Variants in ARB2A observed in about 807,000 individuals in gnomAD.
ARB2A encodes the protein ARB2 cotranscriptional regulator A.
chr5:93,652,709 T>C, the ARB2A span, among the ~76,000 whole-genome samples: 1 of 152,190 alleles, frequency 6.6e-6, no homozygotes, highest in African/African-American at 2.4e-5. Flanking sequence ...TGATTTAAAG[T>C]TCTGATTTAA....
chr5:93,994,966 T>A, the ARB2A span, among the ~76,000 whole-genome samples: 42 of 152,070 alleles, frequency 2.8e-4, no homozygotes, highest in African/African-American at 9.4e-4. Context: ...AAAATATATG[T>A]AGATACTAGT....
chr5:93,921,736 T>TA, the ARB2A span, among the ~76,000 whole-genome samples: 14 of 152,214 alleles, frequency 9.2e-5, no homozygotes, highest in Non-Finnish European at 1.8e-4. Context: ...ATAAAGCTGC[T>TA]AATCGTTGAA....
chr5:93,783,356 T>C, the ARB2A span, among the ~76,000 whole-genome samples: 1 of 152,170 alleles, frequency 6.6e-6, no homozygotes, highest in Admixed American at 6.5e-5. Context: ...TTTTGTATGA[T>C]GAAAGTACTT....
the ARB2A span, chr5:93,861,112 T>C: frequency 6.6e-6 from 1 of 152,292 alleles, no homozygotes; most frequent in East Asian, 1.9e-4. Flanking sequence ...ACCAACATAT[T>C]CTTTTAAGTA....
chr5:94,026,382 G>A, the ARB2A span, among the ~76,000 whole-genome samples: 1 of 151,820 alleles, frequency 6.6e-6, no homozygotes, highest in Non-Finnish European at 1.5e-5. Context: ...GAAGAAGGAG[G>A]GCATGCTGAC....
At chr5:93,836,655 C>CT in the ARB2A span, among the ~76,000 whole-genome samples, 2 of 152,044 alleles carry the variant, frequency 1.3e-5, no homozygotes, top group African/African-American at 2.4e-5. Context: ...TAAATGTATG[C>CT]TTTTTTACAA....
the ARB2A span, among the ~76,000 whole-genome samples, chr5:94,051,184 T>C: frequency 6.6e-6 from 1 of 152,126 alleles, no homozygotes; most frequent in Non-Finnish European, 1.5e-5. Context: ...AAAGCATAAA[T>C]ATTAAGAAGT....
At chr5:94,105,951 C>G in the ARB2A span, among the ~76,000 whole-genome samples, 1 of 151,814 alleles carries the variant, frequency 6.6e-6, no homozygotes, top group Non-Finnish European at 1.5e-5. Context: ...TGAAACTGAA[C>G]CCTTTCCTTT....
At chr5:93,630,369 T>A in the ARB2A span, among the ~76,000 whole-genome samples, 2 of 152,156 alleles carry the variant, frequency 1.3e-5, no homozygotes, top group African/African-American at 4.8e-5. Flanking sequence ...ATTACCTGCA[T>A]AAGATACAAG....
the ARB2A span, among the ~76,000 whole-genome samples, chr5:93,718,786 A>C: frequency 5.3e-5 from 8 of 152,184 alleles, no homozygotes; most frequent in Non-Finnish European, 1.2e-4. Flanking sequence ...TTGGCTAAAG[A>C]GTGATTCAGA....
At chr5:94,060,498 A>G in the ARB2A span, among the ~76,000 whole-genome samples, 2 of 152,250 alleles carry the variant, frequency 1.3e-5, no homozygotes, top group Admixed American at 6.5e-5. Flanking sequence ...TCTTATGACT[A>G]TTAAAGAAAA....
the ARB2A span, among the ~76,000 whole-genome samples, chr5:93,823,488 A>C: frequency 3.3e-5 from 5 of 152,206 alleles, no homozygotes; most frequent in African/African-American, 1.2e-4. Context: ...AAGTCAGTTA[A>C]AGACTATCAA....
At chr5:93,897,373 A>G in the ARB2A span, among the ~76,000 whole-genome samples, 2 of 152,002 alleles carry the variant, frequency 1.3e-5, no homozygotes, top group Admixed American at 1.3e-4. Context: ...GTCCTCTTAT[A>G]TAAGCAAAGA....
chr5:94,079,550 C>A, the ARB2A span, among the ~76,000 whole-genome samples: 1 of 152,164 alleles, frequency 6.6e-6, no homozygotes, highest in Non-Finnish European at 1.5e-5. Context: ...CATGTTGATA[C>A]AGCCAAACAA....
At chr5:94,070,113 A>T in the ARB2A span, among the ~76,000 whole-genome samples, 134 of 21,304 alleles carry the variant, frequency 6.3e-3, no homozygotes, top group African/African-American at 0.013. Context: ...ACCATAAGAA[A>T]TGTGATATAT....
the ARB2A span, among the ~76,000 whole-genome samples, chr5:93,891,788 G>T: frequency 6.6e-6 from 1 of 152,128 alleles, no homozygotes; most frequent in South Asian, 2.1e-4. Context: ...GATTTTAACC[G>T]CCAGAGCATT....
the ARB2A span, among the ~76,000 whole-genome samples, chr5:93,772,678 T>C: frequency 6.6e-6 from 1 of 152,172 alleles, no homozygotes; most frequent in Non-Finnish European, 1.5e-5. Context: ...TGCAGTCATC[T>C]CAAAGAGCTC....
the ARB2A span, chr5:93,733,528 TA>T: frequency 4.6e-5 from 7 of 152,136 alleles, no homozygotes; most frequent in African/African-American, 1.4e-4. Context: ...TAAAAATTCT[TA>T]AAAGTTGAAA....
At chr5:93,852,338 T>C in the ARB2A span, among the ~76,000 whole-genome samples, 1 of 152,232 alleles carries the variant, frequency 6.6e-6, no homozygotes, top group East Asian at 1.9e-4. Flanking sequence ...GAGTTCATTA[T>C]AGATTCTGGA....
Sources: allele counts gnomAD v4.1 joint callset (sites outside exome capture counted in the v4.1 genomes callset), GRCh38; gene constraint gnomAD v4.1.1; transcripts MANE v1.5; gene names NCBI Gene and HGNC (gene_info 2026-07-23, HGNC 2026-07-21).